Variants in TMEM64 observed in about 807,000 individuals in gnomAD.
The protein encoded by TMEM64 is transmembrane protein 64.
TMEM64 carries 19 observed loss-of-function variants against 24.5 expected under a neutral mutation model. The observed-to-expected ratio is 0.78, with a 90% CI of 0.54 to 1.14. The LOEUF is 1.14. Ranked by LOEUF, TMEM64 falls within the 50% of genes most tolerant of loss-of-function variation. The probability of loss-of-function intolerance (pLI) is 0.00; values close to 1 mark genes in which losing one functional copy is unlikely to be tolerated. For synonymous variants in TMEM64, 262 were observed against 224.7 expected, an observed-to-expected ratio of 1.17 and a Z score of -1.49; for missense variants, 487 against 493.0, an observed-to-expected ratio of 0.99 and a Z score of 0.12.
At chr8:90,634,237 T>C (rs1270315955) in intron 1 of TMEM64, among the ~76,000 whole-genome samples, 1 of 152,160 alleles carries the variant, frequency 6.6e-6, no homozygotes, top group Non-Finnish European at 1.5e-5. Context: ...AACTTCTCCA[T>C]GGACTTATTA....
intron 1 of TMEM64, among the ~76,000 whole-genome samples, chr8:90,641,221 G>C (rs921831485): frequency 2.6e-5 from 4 of 152,138 alleles, no homozygotes; most frequent in African/African-American, 7.2e-5. Context: ...AGGGTCTGTA[G>C]TAACTACTCA....
At chr8:90,644,716 T>A (rs774066452) in intron 1 of TMEM64, among the ~76,000 whole-genome samples, 4 of 152,218 alleles carry the variant, frequency 2.6e-5, no homozygotes, top group Non-Finnish European at 5.9e-5. Context: ...AAAACTTGAA[T>A]CAAAACCCTG....
At chr8:90,628,245 A>C (rs1285410629) in intron 2 of TMEM64, among the ~76,000 whole-genome samples, 1 of 152,244 alleles carries the variant, frequency 6.6e-6, no homozygotes, top group East Asian at 1.9e-4. Flanking sequence ...GGCATCTCTT[A>C]ATGCTAACTG....
intron 1 of TMEM64, among the ~76,000 whole-genome samples, chr8:90,641,037 T>C (rs549283620): frequency 6.6e-6 from 1 of 152,142 alleles, no homozygotes; most frequent in Non-Finnish European, 1.5e-5. Context: ...GCTTTAAAAA[T>C]TTTTTTTCTG....
intron 1 of TMEM64, among the ~76,000 whole-genome samples, chr8:90,632,117 A>C (rs1809448295): frequency 6.6e-6 from 1 of 152,184 alleles, no homozygotes; most frequent in Admixed American, 6.5e-5. Context: ...TCTGGTGCTG[A>C]TAATTCAATA....
At chr8:90,643,340 T>C (rs11989304) in intron 1 of TMEM64, among the ~76,000 whole-genome samples, 1,933 of 152,322 alleles carry the variant, frequency 0.013, 32 homozygotes, top group African/African-American at 0.044. Context: ...CATGTAATCT[T>C]CTCAATAATC....
chr8:90,635,500 G>A (rs1187746332), intron 1 of TMEM64, among the ~76,000 whole-genome samples: 1 of 151,990 alleles, frequency 6.6e-6, no homozygotes, highest in Non-Finnish European at 1.5e-5. Flanking sequence ...GTACAGCTAG[G>A]ATTGTTTATA....
Position 90,645,074 on chromosome 8 carries a change from G to T in TMEM64, c.795+37C>A. On this transcript the variant is annotated intron_variant, in intron 1 of 2. Coordinates refer to ENST00000458549, the MANE Select transcript of TMEM64 (RefSeq NM_001008495.4). This position sits in a 1 kb window ranked among gnomAD's most constrained non-coding sequence, Gnocchi z 4.2. Reference sequence around the variant, plus strand: ...GCCGCCACAAGACCGCTCAAAAACAGACTTGGAGAGGGATAGGCCAGCGGG... The same window carrying T: ...GCCGCCACAAGACCGCTCAAAAACATACTTGGAGAGGGATAGGCCAGCGGG... 1.9e-6 allele frequency: 3 copies of T among 1,569,130 alleles called. No individual in the cohort carries two copies. Among genetic ancestry groups the T allele is most frequent in the Non-Finnish European group, 2.6e-6 (3 of 1,152,826 alleles).
chr8:90,635,560 A>G (rs1384007401), intron 1 of TMEM64, among the ~76,000 whole-genome samples: 1 of 152,020 alleles, frequency 6.6e-6, no homozygotes, highest in Non-Finnish European at 1.5e-5. Context: ...ACATGGGGTG[A>G]TACTTGTTGG....
chr8:90,643,585 C>T (rs1389407885), intron 1 of TMEM64, among the ~76,000 whole-genome samples: 2 of 152,156 alleles, frequency 1.3e-5, no homozygotes, highest in African/African-American at 4.8e-5. Flanking sequence ...GTAGTTGGCA[C>T]ACGGTAGATG....
At chr8:90,636,391 G>A (rs558571315) in intron 1 of TMEM64, among the ~76,000 whole-genome samples, 1 of 152,214 alleles carries the variant, frequency 6.6e-6, no homozygotes, top group South Asian at 2.1e-4. Flanking sequence ...GAGTAGCTGG[G>A]ATTACAGGTG....
chr8:90,645,658 T>A lies in TMEM64; in HGVS notation c.248A>T (p.Glu83Val). 6.6e-7 allele frequency: 1 copy of A among 1,524,808 alleles called. No individual in the cohort carries two copies. Among genetic ancestry groups the A allele is most frequent in the Non-Finnish European group, 8.8e-7 (1 of 1,141,670 alleles). 94.5% of individuals were successfully genotyped at this position (1,524,808 alleles called of 1,614,324 possible). A position where few individuals can be genotyped will look rare whatever the true frequency, so the allele number is the denominator to read the frequency against. Reference protein sequence around the residue: ...HGPPEASELPEPGGALAGGPG... With the variant: ...HGPPEASELPVPGGALAGGPG... ...GCCGCCCGCCAAGGCCCCGCCCGGC[T>A]CCGGCAGCTCCGAAGCCTCGGGCGG... is the stretch of plus-strand genomic sequence containing the variant. Residue 83 changes from glutamate (E) to valine (V), a missense_variant, in exon 1 of 3, where the codon GAG (glutamate) becomes GTG (valine). This residue lies in a region of TMEM64 where 419 missense variants were observed against 407.5 expected (regional missense o/e 1.03). Coordinates refer to ENST00000458549, the MANE Select transcript of TMEM64 (RefSeq NM_001008495.4). The surrounding 1 kb of genome is among the most constrained non-coding windows in gnomAD (Gnocchi z 4.2).
chr8:90,633,704 ATCTT>A (rs1046959828), intron 1 of TMEM64, among the ~76,000 whole-genome samples: 21 of 152,186 alleles, frequency 1.4e-4, no homozygotes, highest in Non-Finnish European at 2.2e-4. Flanking sequence ...TTAAATTTTA[ATCTT>A]TCTTATTTTG....
chr8:90,645,606 C>A lies in TMEM64; in HGVS notation c.300G>T (p.Val100=). 1 of 1,536,462 alleles carries A rather than the reference C, an allele frequency of 6.5e-7. No homozygotes were observed. Among genetic ancestry groups the A allele is most frequent in the South Asian group, 1.2e-5 (1 of 83,934 alleles). Reference sequence around the variant, plus strand: ...AGTTTCTCACCTCAGCCACGCCGACCACCACGCCGCCGCCGCCACTCCCGG... The same window carrying A: ...AGTTTCTCACCTCAGCCACGCCGACAACCACGCCGCCGCCGCCACTCCCGG... ...GGPGSGGGGV[V]VGVAEVRNWR... is the part of the protein sequence containing the mutation. The change falls in exon 1 of 3, where the codon GTG becomes GTT. Residue 100 remains valine, a synonymous_variant. Transcript: ENST00000458549. The surrounding 1 kb of genome is among the most constrained non-coding windows in gnomAD (Gnocchi z 4.2).
chr8:90,644,244 A>G (rs1339709589), intron 1 of TMEM64, among the ~76,000 whole-genome samples: 28 of 152,170 alleles, frequency 1.8e-4, no homozygotes, highest in Admixed American at 1.8e-3. Context: ...CACTTTCGAA[A>G]AGAGAAAAGT....
At chr8:90,637,160 G>A (rs1210226876) in intron 1 of TMEM64, among the ~76,000 whole-genome samples, 1 of 152,152 alleles carries the variant, frequency 6.6e-6, no homozygotes, top group Admixed American at 6.5e-5. Flanking sequence ...TGAAGAGCAA[G>A]AGCTGATTCA....
chr8:90,642,978 C>T (rs1376348515), intron 1 of TMEM64, among the ~76,000 whole-genome samples: 1 of 152,110 alleles, frequency 6.6e-6, no homozygotes, highest in Non-Finnish European at 1.5e-5. Context: ...AGATTTGTCC[C>T]TTGTCAAGCT....
Position 90,646,014 on chromosome 8 carries a change from G to T in TMEM64, c.-109C>A, listed in dbSNP as rs1353921140. On this transcript the variant is annotated 5_prime_UTR_variant, in exon 1 of 3. Coordinates refer to ENST00000458549, the MANE Select transcript of TMEM64 (RefSeq NM_001008495.4). Reference sequence around the variant, plus strand: ...CGCCCGGCATCGACTCCCTGCGTCCGCTCAGAGGGTGGGAGACGGCCCGTA... The same window carrying T: ...CGCCCGGCATCGACTCCCTGCGTCCTCTCAGAGGGTGGGAGACGGCCCGTA... 10 of 487,260 alleles carry T rather than the reference G, an allele frequency of 2.1e-5. No individual in the cohort carries two copies. Among genetic ancestry groups the T allele is most frequent in the Non-Finnish European group, 2.5e-5 (9 of 365,266 alleles). 30.2% of individuals were successfully genotyped at this position (487,260 alleles called of 1,614,324 possible).
At chr8:90,643,811 A>G (rs1224339321) in intron 1 of TMEM64, among the ~76,000 whole-genome samples, 4 of 152,226 alleles carry the variant, frequency 2.6e-5, no homozygotes, top group African/African-American at 9.6e-5. Flanking sequence ...TGCTAACACT[A>G]AACTTTATCT....
Sources: allele counts gnomAD v4.1 joint callset (sites outside exome capture counted in the v4.1 genomes callset), GRCh38; gene constraint gnomAD v4.1.1; regional missense constraint gnomAD v4.1.1; non-coding constraint Gnocchi (gnomAD v3.1); transcripts MANE v1.5; gene names NCBI Gene and HGNC (gene_info 2026-07-23, HGNC 2026-07-21).